RECK: variants seen among roughly 807,000 people sequenced by gnomAD.
The protein encoded by RECK is reversion-inducing cysteine-rich protein with Kazal motifs.
Under a neutral mutation model 115.1 loss-of-function variants are expected in RECK, and 69 were observed. The ratio of observed to expected loss-of-function variants is 0.60; its 90% CI spans 0.49 to 0.73. RECK has a LOEUF of 0.73. Among genes scored for constraint, RECK ranks in the 30% least tolerant of loss-of-function variants. RECK has a pLI of 0.00. For synonymous variants in RECK, 414 were observed against 419.7 expected, an observed-to-expected ratio of 0.99 and a Z score of 0.17; for missense variants, 1,047 against 1,203.7, an observed-to-expected ratio of 0.87 and a Z score of 1.93.
At chr9:36,107,918 T>C (rs1823885252) in intron 13 of RECK, 58 bp from the exon 14 acceptor site, 1 of 1,237,862 alleles carries the variant, frequency 8.1e-7, no homozygotes, top group Non-Finnish European at 1.1e-6. Context: ...ATATCTAATG[T>C]TATAAAACAA....
chr9:36,120,093 G>T (rs568077062), intron 18 of RECK, among the ~76,000 whole-genome samples: 366 of 152,070 alleles, frequency 2.4e-3, no homozygotes, highest in African/African-American at 8.5e-3. Context: ...AAATTAGCCG[G>T]GCATGGTGGC....
At chr9:36,116,364 T>C (rs530790178) in intron 16 of RECK, among the ~76,000 whole-genome samples, 1 of 152,252 alleles carries the variant, frequency 6.6e-6, no homozygotes, top group African/African-American at 2.4e-5. Flanking sequence ...CGACCTCAGG[T>C]GATCCACCCG....
intron 10 of RECK, among the ~76,000 whole-genome samples, chr9:36,093,974 T>C (rs1823250899): frequency 6.6e-6 from 1 of 151,998 alleles, no homozygotes; most frequent in South Asian, 2.1e-4. Context: ...ATCCTTAAAG[T>C]ACTCAGAGAA....
At position 36,100,338 on chromosome 9, in the gene RECK, G is replaced by A; in HGVS notation, c.1093G>A (p.Glu365Lys). 1 of 1,613,770 alleles carries A rather than the reference G, an allele frequency of 6.2e-7. No homozygotes were observed. The highest frequency in any genetic ancestry group is 8.5e-7 in the Non-Finnish European group (1 of 1,179,830). ...YCTNFNNRPTELFRSCNAQSD... is the reference protein window; with the variant it reads ...YCTNFNNRPTKLFRSCNAQSD... ...GGCCTTTTTTCTCTTTAGGCCAACA[G>A]AACTTTTCAGGAGTTGTAATGCACA... Residue 365 changes from glutamate to lysine, a missense_variant, in exon 11 of 21, where the codon GAA becomes AAA. Physicochemically the swap from Glu to Lys is moderately conservative, Grantham distance 56 (BLOSUM62 1). Coordinates refer to ENST00000377966, the MANE Select transcript of RECK (RefSeq NM_021111.3).
In RECK at chr9:36,037,108, C is replaced by T; in HGVS notation, c.100+10C>T. Reference sequence around the variant, plus strand: ...GCTCCGGGCAGTGCGGGTGAGTAACCTCCAGAGCAACGGTTCGAAGCTGTC... The same window carrying T: ...GCTCCGGGCAGTGCGGGTGAGTAACTTCCAGAGCAACGGTTCGAAGCTGTC... On this transcript the variant is annotated intron_variant, in intron 1 of 20. Coordinates refer to ENST00000377966, the MANE Select transcript of RECK (RefSeq NM_021111.3). The T allele has an allele frequency of 1.5e-6, 2 of 1,299,066 alleles. No homozygotes were observed. Among genetic ancestry groups the T allele is most frequent in the Non-Finnish European group, 2.0e-6 (2 of 1,017,882 alleles). The allele number at this position is 1,299,066 out of a possible 1,614,324, so 80.5% of individuals were successfully genotyped here.
At chr9:36,100,675 CCCACTTTTTCCT>C (rs145918692) in intron 11 of RECK, 132 bp downstream of exon 11, 14,267 of 645,334 alleles carry the variant, frequency 0.022, 198 homozygotes, top group Middle Eastern at 0.027. Flanking sequence ...CAAATGCTTT[CCCACTTTTTCCT>C]CCTCTAGTTG....
Position 36,094,322 on chromosome 9 carries a change from A to T in RECK, c.1085+2979A>T, listed in dbSNP as rs759990519. ...ATGATATATGACAGTAGCAAAAAGGATAAGAGAGAGGTAAATAATTATACC... is the reference window on the plus strand; with the variant it reads ...ATGATATATGACAGTAGCAAAAAGGTTAAGAGAGAGGTAAATAATTATACC... On this transcript the variant is annotated intron_variant, in intron 10 of 20. Coordinates refer to ENST00000377966, the MANE Select transcript of RECK (RefSeq NM_021111.3). This position sits in a 1 kb window ranked among gnomAD's most constrained non-coding sequence, Gnocchi z 4.1. Among the ~76,000 whole-genome samples, 2 of 152,082 alleles carry T rather than the reference A, an allele frequency of 1.3e-5. No individual in the cohort carries two copies. The highest frequency in any genetic ancestry group is 4.8e-5 in the African/African-American group (2 of 41,446).
At chr9:36,116,125 C>CTT (rs11313050) in intron 16 of RECK, among the ~76,000 whole-genome samples, 64 of 124,452 alleles carry the variant, frequency 5.1e-4, no homozygotes, top group Non-Finnish European at 7.4e-4. Flanking sequence ...AGAGTGAGGC[C>CTT]TTTTTTTTTT....
At chr9:36,086,136 G>GT (rs1159019247) in intron 8 of RECK, 3 of 152,116 alleles carry the variant, frequency 2.0e-5, no homozygotes, top group Admixed American at 6.6e-5. Flanking sequence ...GGTTGAAAGT[G>GT]TTTTTTTATT....
chr9:36,059,459 A>C (rs1451168908), intron 3 of RECK, among the ~76,000 whole-genome samples: 2 of 151,980 alleles, frequency 1.3e-5, no homozygotes, highest in Admixed American at 1.3e-4. Flanking sequence ...CCGTCTCAAA[A>C]AAAAAAAAAA....
chr9:36,116,857 TGGAG>T, intron 16 of RECK, 124 bp from the exon 17 acceptor site: 1 of 674,596 alleles, frequency 1.5e-6, no homozygotes, highest in Non-Finnish European at 2.5e-6. Context: ...ATAAGCTCTT[TGGAG>T]ACAGGACTGT....
At chr9:36,108,832 T>C (rs1823920686) in intron 14 of RECK, among the ~76,000 whole-genome samples, 1 of 152,000 alleles carries the variant, frequency 6.6e-6, no homozygotes, top group African/African-American at 2.4e-5. Flanking sequence ...CCCCAACAAC[T>C]ATTCATGTCA....
chr9:36,066,958 G>A, intron 6 of RECK: 1 of 884,310 alleles, frequency 1.1e-6, no homozygotes. Flanking sequence ...CTAGAATTAA[G>A]CAACCATTTT....
intron 10 of RECK, among the ~76,000 whole-genome samples, chr9:36,093,727 A>G (rs1372904693): frequency 6.6e-6 from 1 of 152,238 alleles, no homozygotes; most frequent in Admixed American, 6.5e-5. Context: ...GATCAAATAC[A>G]TTAACCCATT....
In RECK at chr9:36,118,777, G is replaced by GC; in HGVS notation, c.2277dup (p.Val760ArgfsTer7). 2 of 1,614,030 alleles carry GC rather than the reference G, an allele frequency of 1.2e-6. No homozygotes were observed. The highest frequency in any genetic ancestry group is 2.2e-5 in the South Asian group (2 of 91,078). ...CTCAGCCCTTTTGCAGAGCAACCGA[G>GC]CCCGTATGTGGGCACAATGGTGAGA... On this transcript the variant is annotated frameshift_variant, in exon 18 of 21. Coordinates refer to ENST00000377966, the MANE Select transcript of RECK (RefSeq NM_021111.3). LOFTEE classifies it high-confidence loss of function.
chr9:36,051,007 CAT>C (rs751705189), intron 1 of RECK, among the ~76,000 whole-genome samples: 6 of 151,568 alleles, frequency 4.0e-5, no homozygotes, highest in Non-Finnish European at 5.9e-5. Flanking sequence ...TCTCTGTCTC[CAT>C]ATATATATAT....
Position 36,083,529 on chromosome 9 carries a change from A to G in RECK, c.604A>G (p.Thr202Ala). Residue 202 changes from threonine (T) to alanine (A), a missense_variant, in exon 8 of 21, where the codon ACT (threonine) becomes GCT (alanine). By Grantham distance (58) the Thr-to-Ala change is moderately conservative. Coordinates refer to ENST00000377966, the MANE Select transcript of RECK (RefSeq NM_021111.3). ...ATTAATACATTGTGTGAACAATTAT[A>G]CTCAATCTTATCCAATGAGGAACCC... Reference protein sequence around the residue: ...PQLIHCVNNYTQSYPMRNPTD... With the variant: ...PQLIHCVNNYAQSYPMRNPTD... The G allele has an allele frequency of 6.2e-7, 1 of 1,613,848 alleles. No individual in the cohort carries two copies. Among genetic ancestry groups the G allele is most frequent in the Non-Finnish European group, 8.5e-7 (1 of 1,179,850 alleles).
rs150205478 is a variant in RECK at position 36,093,441 on chromosome 9, G to A, written c.1085+2098G>A. Among the ~76,000 whole-genome samples the A allele has an allele frequency of 6.4e-3, 980 of 152,198 alleles. 9 individuals carry two copies. The highest frequency in any genetic ancestry group is 0.01 in the Middle Eastern group (3 of 294). ...ATATATTGAAAGATCTACAGGTAAA[G>A]ATAGATATAGGTGAGATATGGAAGC... On this transcript the variant is annotated intron_variant, in intron 10 of 20. Transcript: ENST00000377966.
intron 8 of RECK, chr9:36,085,245 C>A: frequency 5.0e-6 from 1 of 199,676 alleles, no homozygotes; most frequent in Non-Finnish European, 1.1e-5. Context: ...AGAAGAGAGC[C>A]TGATATCTTT....
Sources: allele counts gnomAD v4.1 joint callset (sites outside exome capture counted in the v4.1 genomes callset), GRCh38; gene constraint gnomAD v4.1.1; non-coding constraint Gnocchi (gnomAD v3.1); transcripts MANE v1.5; gene names NCBI Gene and HGNC (gene_info 2026-07-23, HGNC 2026-07-21).